Variants in ZNF469 observed in about 807,000 individuals in gnomAD.
The protein encoded by ZNF469 is zinc finger protein 469.
ZNF469 carries 1 observed loss-of-function variant against 1.0 expected under a neutral mutation model. That is an observed-to-expected ratio of 1.00 (90% confidence interval 0.35 to 4.73). The LOEUF (loss-of-function observed/expected upper bound fraction) is 4.73. Ranked by LOEUF, ZNF469 falls within the 30% of genes most tolerant of loss-of-function variation. ZNF469 has a pLI of 0.16. For missense variants in ZNF469, 6,100 were observed against 5,356.3 expected (o/e 1.14, Z -4.33); for synonymous variants, 2,703 against 2,363.4 (o/e 1.14, Z -4.17).
At chr16:88,259,713 A>G in the ZNF469 span, among the ~76,000 whole-genome samples, 1 of 151,896 alleles carries the variant, frequency 6.6e-6, no homozygotes. The surrounding 1 kb of genome is among the most constrained non-coding windows in gnomAD (Gnocchi z 4.1). Flanking sequence ...ACTCACACCA[A>G]TGTCCCAGGG....
intron 1 of ZNF469, among the ~76,000 whole-genome samples, chr16:88,421,987 GTAGAT>G (rs1905474325): frequency 6.6e-6 from 1 of 151,786 alleles, no homozygotes; most frequent in Admixed American, 6.6e-5. Context: ...GGATGAGTGG[GTAGAT>G]TAGAGGGGAT....
At position 88,430,147 on chromosome 16, in the gene ZNF469, C is replaced by T; in HGVS notation, c.2677C>T (p.Pro893Ser). 6.5e-7 allele frequency: 1 copy of T among 1,550,092 alleles called. No homozygotes were observed. Among genetic ancestry groups the T allele is most frequent in the Non-Finnish European group, 8.7e-7 (1 of 1,146,848 alleles). The stretch of plus-strand genomic sequence containing the variant: ...CCTTAAGAGCAAGGCGGGGGTGACT[C>T]CAGAGAGCAAAGCTCCGCCCCCGCT... ...HPLKSKAGVT[P>S]ESKAPPPLPA... is the part of the protein sequence containing the mutation. The change falls in exon 3 of 3, where the codon CCA (proline) becomes TCA (serine). Residue 893 changes from proline to serine, a missense_variant. Pro to Ser is a moderately conservative substitution (Grantham distance 74). Transcript: ENST00000565624.
the ZNF469 span, among the ~76,000 whole-genome samples, chr16:88,103,692 G>A: frequency 1.2e-4 from 19 of 152,232 alleles, no homozygotes; most frequent in Admixed American, 3.9e-4. Flanking sequence ...AATCCTCCGT[G>A]GCACGAGGAA....
At chr16:88,282,200 C>A in the ZNF469 span, among the ~76,000 whole-genome samples, 5 of 152,172 alleles carry the variant, frequency 3.3e-5, no homozygotes, top group Admixed American at 2.6e-4. Flanking sequence ...TTCAGCCAGG[C>A]TCAAGGCATT....
At chr16:88,248,762 G>A in the ZNF469 span, among the ~76,000 whole-genome samples, 291 of 152,310 alleles carry the variant, frequency 1.9e-3, no homozygotes, top group African/African-American at 6.9e-3. Flanking sequence ...CGGGTACAGG[G>A]AGGTCCAGCC....
the ZNF469 span, among the ~76,000 whole-genome samples, chr16:88,285,634 CCTTTCAGACACG>C: frequency 6.6e-6 from 1 of 152,264 alleles, no homozygotes; most frequent in East Asian, 1.9e-4. Flanking sequence ...CATGTAATGT[CCTTTCAGACACG>C]CTGGAAGCGT....
chr16:88,320,377 C>A, the ZNF469 span, among the ~76,000 whole-genome samples: 3 of 152,290 alleles, frequency 2.0e-5, no homozygotes, highest in East Asian at 3.9e-4. Context: ...CCACGAGATT[C>A]TTTATTCTTT....
chr16:88,173,084 G>C, the ZNF469 span, among the ~76,000 whole-genome samples: 3,717 of 152,234 alleles, frequency 0.024, 145 homozygotes, highest in African/African-American at 0.086. Context: ...TTTTGAATTT[G>C]TTGGAAAGTA....
the ZNF469 span, among the ~76,000 whole-genome samples, chr16:88,101,501 A>C: frequency 6.7e-6 from 1 of 150,014 alleles, no homozygotes; most frequent in Non-Finnish European, 1.5e-5. Flanking sequence ...CTGTGGACAG[A>C]CTCAATTAGC....
the ZNF469 span, chr16:88,178,221 G>A: frequency 6.6e-6 from 1 of 152,150 alleles, no homozygotes; most frequent in Non-Finnish European, 1.5e-5. Flanking sequence ...GGGCTGGAGA[G>A]TGGGCAGGAG....
At chr16:88,264,842 G>T in the ZNF469 span, among the ~76,000 whole-genome samples, 1 of 152,152 alleles carries the variant, frequency 6.6e-6, no homozygotes, top group Non-Finnish European at 1.5e-5. Flanking sequence ...GGCACAGGCG[G>T]TACTGCTCAG....
At chr16:88,136,100 C>G in the ZNF469 span, among the ~76,000 whole-genome samples, 5,940 of 152,248 alleles carry the variant, frequency 0.039, 165 homozygotes, top group Non-Finnish European at 0.064. Context: ...CAAAGGTCCC[C>G]CAGTTGTCCA....
Position 88,428,637 on chromosome 16 carries a change from T to A in ZNF469, c.1167T>A (p.Asp389Glu), listed in dbSNP as rs1352390119. 1 of 1,550,164 alleles carries A rather than the reference T, an allele frequency of 6.5e-7. No individual in the cohort carries two copies. Among genetic ancestry groups the A allele is most frequent in the Non-Finnish European group, 8.7e-7 (1 of 1,146,858 alleles). The change falls in exon 3 of 3, where the codon GAT becomes GAA. Residue 389 changes from aspartate to glutamate, a missense_variant. Coordinates refer to ENST00000565624, the MANE Select transcript of ZNF469 (RefSeq NM_001367624.2). The part of the protein sequence containing the change: ...ILPERPPSAQ[D>E]GLGSTRGPPS... ...CCGAAAGACCACCTTCAGCCCAGGA[T>A]GGGCTGGGGAGCACGAGAGGGCCCC...
chr16:88,171,609 G>A, the ZNF469 span, among the ~76,000 whole-genome samples: 1 of 152,216 alleles, frequency 6.6e-6, no homozygotes, highest in African/African-American at 2.4e-5. Flanking sequence ...GATCTCCAGT[G>A]AATAGTCCCA....
Position 88,431,843 on chromosome 16 carries a change from A to G in ZNF469, c.4373A>G (p.Asp1458Gly), listed in dbSNP as rs535450942. 1 of 1,548,774 alleles carries G rather than the reference A, an allele frequency of 6.5e-7. No homozygotes were observed. Among genetic ancestry groups the G allele is most frequent in the South Asian group, 1.2e-5 (1 of 84,054 alleles). ...TTGGAGTCCTCATCCCTCTTCCCAG[A>G]CCTGCCGGTGGACAGATTCGACCCA... ...PTLESSSLFP[D>G]LPVDRFDPPL... Residue 1458 changes from aspartate (D) to glycine (G), a missense_variant, in exon 3 of 3, where the codon GAC becomes GGC. Asp to Gly is a moderately conservative substitution (Grantham distance 94). Transcript: ENST00000565624.
chr16:88,405,290 C>T (rs1213693434), intron 1 of ZNF469, among the ~76,000 whole-genome samples: 3 of 152,128 alleles, frequency 2.0e-5, no homozygotes, highest in Non-Finnish European at 4.4e-5. Context: ...CACGGGTAGC[C>T]CCTGGGCTAC....
the ZNF469 span, among the ~76,000 whole-genome samples, chr16:88,170,214 T>A: frequency 1.3e-5 from 2 of 152,242 alleles, no homozygotes; most frequent in African/African-American, 4.8e-5. This position sits in a 1 kb window ranked among gnomAD's most constrained non-coding sequence, Gnocchi z 4.2. Context: ...GAAGCTTTGA[T>A]GTGCGTATAC....
chr16:88,108,493 G>T, the ZNF469 span, among the ~76,000 whole-genome samples: 4 of 152,214 alleles, frequency 2.6e-5, no homozygotes, highest in Non-Finnish European at 5.9e-5. Context: ...TGAAGAATCA[G>T]GCTGTCAAGT....
the ZNF469 span, among the ~76,000 whole-genome samples, chr16:88,102,350 T>C: frequency 4.6e-5 from 7 of 152,000 alleles, no homozygotes; most frequent in Non-Finnish European, 2.9e-5. Flanking sequence ...AAACCCCATC[T>C]CTACTAAAAA....
Sources: allele counts gnomAD v4.1 joint callset (sites outside exome capture counted in the v4.1 genomes callset), GRCh38; gene constraint gnomAD v4.1.1; non-coding constraint Gnocchi (gnomAD v3.1); transcripts MANE v1.5; gene names NCBI Gene and HGNC (gene_info 2026-07-23, HGNC 2026-07-21).